NEK10: variants seen among roughly 807,000 people sequenced by gnomAD.
The protein encoded by NEK10 is NIMA related kinase 10.
A neutral mutation model predicts 159.8 loss-of-function variants in NEK10; 122 were observed. That is an observed-to-expected ratio of 0.76 (90% CI 0.66 to 0.89). The LOEUF (loss-of-function observed/expected upper bound fraction) is 0.89. Among genes scored for constraint, NEK10 ranks in the 40% least tolerant of loss-of-function variants. The pLI is 0.00. For missense variants in NEK10, 1,342 were observed against 1,323.1 expected, an observed-to-expected ratio of 1.01 and a Z score of -0.22; for synonymous variants, 466 against 457.1, an observed-to-expected ratio of 1.02 and a Z score of -0.25.
intron 32 of NEK10, among the ~76,000 whole-genome samples, chr3:27,120,450 G>A (rs1387997843): frequency 6.6e-6 from 1 of 151,028 alleles, no homozygotes; most frequent in Non-Finnish European, 1.5e-5. Context: ...AGCCTCCCGA[G>A]TAGCTGGGAT....
At chr3:27,125,664 C>A (rs1482602040) in intron 32 of NEK10, among the ~76,000 whole-genome samples, 1 of 152,164 alleles carries the variant, frequency 6.6e-6, no homozygotes, top group East Asian at 1.9e-4. Context: ...TACATACACA[C>A]ACAAATGCAC....
intron 23 of NEK10, among the ~76,000 whole-genome samples, chr3:27,246,033 A>G (rs1413335385): frequency 6.7e-6 from 1 of 150,042 alleles, no homozygotes; most frequent in African/African-American, 2.4e-5. Context: ...GGCAAGAGAA[A>G]AAGAATATAG....
chr3:27,221,436 C>A (rs909122983), intron 23 of NEK10, among the ~76,000 whole-genome samples: 7 of 152,108 alleles, frequency 4.6e-5, no homozygotes, highest in African/African-American at 1.4e-4. Context: ...TGGCTATGAT[C>A]CAAAAGACAG....
intron 1 of NEK10, among the ~76,000 whole-genome samples, chr3:27,359,850 C>T (rs2048561248): frequency 6.6e-6 from 1 of 152,180 alleles, no homozygotes; most frequent in Non-Finnish European, 1.5e-5. Flanking sequence ...AGTTAAAGTG[C>T]TTTGAGAATA....
intron 22 of NEK10, among the ~76,000 whole-genome samples, chr3:27,273,402 G>T (rs1326726551): frequency 1.3e-5 from 2 of 152,082 alleles, no homozygotes; most frequent in East Asian, 3.9e-4. Flanking sequence ...AAGTAGACAT[G>T]GTTCATTGCT....
At chr3:27,223,985 C>T (rs1294860463) in intron 23 of NEK10, among the ~76,000 whole-genome samples, 1 of 152,214 alleles carries the variant, frequency 6.6e-6, no homozygotes, top group African/African-American at 2.4e-5. Context: ...TCCTAACTCA[C>T]AGTACCTGTG....
intron 6 of NEK10, among the ~76,000 whole-genome samples, chr3:27,316,018 G>T (rs1023051658): frequency 6.6e-6 from 1 of 152,188 alleles, no homozygotes; most frequent in African/African-American, 2.4e-5. Context: ...CTGTAATTCC[G>T]AGAGAAGCAG....
At chr3:27,190,825 T>C (rs1324687235) in intron 26 of NEK10, among the ~76,000 whole-genome samples, 3 of 152,220 alleles carry the variant, frequency 2.0e-5, no homozygotes, top group Non-Finnish European at 4.4e-5. Context: ...CTAGTTATTA[T>C]GAAGTCAGGT....
At chr3:27,262,255 G>T (rs1438773287) in intron 22 of NEK10, among the ~76,000 whole-genome samples, 1 of 152,166 alleles carries the variant, frequency 6.6e-6, no homozygotes, top group Non-Finnish European at 1.5e-5. Flanking sequence ...CTCTCTGGCT[G>T]CCCTTAACAT....
rs1221101218 is a variant in NEK10 at position 27,314,306 on chromosome 3, G to T, written c.480C>A (p.Asn160Lys). Reference protein sequence around the residue: ...EILHSLGGIENLAQYMEIVAN... With the variant: ...EILHSLGGIEKLAQYMEIVAN... ...ACAAAAGGAATCTTACCTGAGCTAGGTTTTCAATCCCACCCAAGCTATGGA... is the reference window on the plus strand; with the variant it reads ...ACAAAAGGAATCTTACCTGAGCTAGTTTTTCAATCCCACCCAAGCTATGGA... The change falls in exon 7 of 36, where the codon AAC (asparagine) becomes AAA (lysine). Residue 160 changes from asparagine to lysine, a missense_variant. Physicochemically the swap from Asn to Lys is moderately conservative, Grantham distance 94 (BLOSUM62 0). Transcript: ENST00000691995. The T allele has an allele frequency of 1.2e-6, 2 of 1,602,854 alleles. No individual in the cohort carries two copies. The highest frequency in any genetic ancestry group is 1.7e-6 in the Non-Finnish European group (2 of 1,173,588).
chr3:27,291,058 A>G (rs2042961123), intron 18 of NEK10, among the ~76,000 whole-genome samples: 2 of 152,268 alleles, frequency 1.3e-5, no homozygotes, highest in Admixed American at 1.3e-4. Context: ...TTTGTCTTAA[A>G]AAGTCAGTGG....
intron 23 of NEK10, among the ~76,000 whole-genome samples, chr3:27,221,287 T>G (rs911960937): frequency 6.6e-6 from 1 of 152,138 alleles, no homozygotes; most frequent in Admixed American, 6.5e-5. Context: ...CCAAAATAAG[T>G]AAAAACTTTT....
At position 27,314,357 on chromosome 3, in the gene NEK10, C is replaced by T. The variant is rs1240155591; in HGVS notation, c.448-19G>A. ...GTATTTCCTAATAAAATAAAAGCAA[C>T]AAAACACATGTAAATGATGAGGGTG... On this transcript the variant is annotated intron_variant, in intron 6 of 35. Coordinates refer to ENST00000691995, the MANE Select transcript of NEK10 (RefSeq NM_001394966.1). 3.9e-6 allele frequency: 6 copies of T among 1,541,332 alleles called. No individual in the cohort carries two copies. Among genetic ancestry groups the T allele is most frequent in the Middle Eastern group, 3.4e-4 (2 of 5,948 alleles).
At chr3:27,347,111 CA>C (rs796502148) in intron 3 of NEK10, among the ~76,000 whole-genome samples, 1 of 151,946 alleles carries the variant, frequency 6.6e-6, no homozygotes, top group Non-Finnish European at 1.5e-5. Context: ...TATAACATAA[CA>C]AAAAAATCAT....
At chr3:27,131,810 G>C (rs1444269362) in intron 32 of NEK10, 70 bp downstream of exon 32, 1 of 742,824 alleles carries the variant, frequency 1.3e-6, no homozygotes, top group African/African-American at 1.8e-5. Context: ...CGAAGTAAAG[G>C]AGGTATAAAA....
At chr3:27,319,635 T>C (rs1204863123) in intron 6 of NEK10, among the ~76,000 whole-genome samples, 4 of 152,170 alleles carry the variant, frequency 2.6e-5, no homozygotes, top group Admixed American at 2.6e-4. Context: ...AAGGAATAGC[T>C]GGGTCAAGAG....
In NEK10 at chr3:27,250,768, T is replaced by G. The variant is rs185063024; in HGVS notation, c.2090+5528A>C. Among the ~76,000 whole-genome samples the G allele has an allele frequency of 2.1e-3, 326 of 152,316 alleles. 4 individuals carry two copies. Among genetic ancestry groups the G allele is most frequent in the Admixed American group, 0.02 (305 of 15,300 alleles). ...CTCTTCTGGCCCGTAAGGCTTCCAC[T>G]GAAAAGTCTGCTGCCAGATGTATTG... On this transcript the variant is annotated intron_variant, in intron 23 of 35. Transcript: ENST00000691995.
chr3:27,245,661 C>A (rs571422721), intron 23 of NEK10, among the ~76,000 whole-genome samples: 1 of 152,274 alleles, frequency 6.6e-6, no homozygotes, highest in South Asian at 2.1e-4. Flanking sequence ...TATAAACCAT[C>A]GTGGTTTTAA....
intron 23 of NEK10, chr3:27,214,988 G>A (rs1295616317): frequency 4.4e-6 from 3 of 689,278 alleles, no homozygotes; most frequent in Non-Finnish European, 8.0e-6. Flanking sequence ...GCCAGGCACC[G>A]GTCCCACTTC....
Sources: gnomAD v4.1 joint callset for allele counts (sites outside exome capture counted in the v4.1 genomes callset) on GRCh38, gnomAD v4.1.1 for gene constraint, MANE v1.5 for transcripts, NCBI Gene and HGNC (gene_info 2026-07-23, HGNC 2026-07-21) for gene names.